SPAG16: variants seen among roughly 807,000 people sequenced by gnomAD.
SPAG16 encodes the protein sperm associated antigen 16, also known as sperm-associated antigen 16 protein.
SPAG16 carries 86 observed loss-of-function variants against 80.4 expected under a neutral mutation model. The ratio of observed to expected loss-of-function variants is 1.07; its 90% CI spans 0.90 to 1.28. The LOEUF (loss-of-function observed/expected upper bound fraction) is 1.28, where lower values mean the gene tolerates loss of function less well. Ranked by LOEUF, SPAG16 falls within the 50% of genes most tolerant of loss-of-function variation. SPAG16 has a pLI of 0.00. For missense variants in SPAG16, 870 were observed against 765.3 expected, an observed-to-expected ratio of 1.14 and a Z score of -1.61; for synonymous variants, 294 against 265.9, an observed-to-expected ratio of 1.11 and a Z score of -1.03.
At chr2:213,848,749 GC>G (rs2074752504) in intron 10 of SPAG16, among the ~76,000 whole-genome samples, 1 of 151,980 alleles carries the variant, frequency 6.6e-6, no homozygotes, top group South Asian at 2.1e-4. Flanking sequence ...GCAAGTTATC[GC>G]CCCTTGCAGC....
chr2:213,347,691 C>T (rs866282317), intron 6 of SPAG16, among the ~76,000 whole-genome samples: 4 of 152,266 alleles, frequency 2.6e-5, no homozygotes, highest in East Asian at 1.9e-4. Context: ...TGTAGTTGAG[C>T]GGTTTTCAGT....
chr2:213,947,570 G>T (rs369861660), intron 12 of SPAG16, among the ~76,000 whole-genome samples: 1 of 152,060 alleles, frequency 6.6e-6, no homozygotes, highest in East Asian at 1.9e-4. Context: ...TGTTGAAAGT[G>T]CCCTGTGTAT....
intron 4 of SPAG16, among the ~76,000 whole-genome samples, chr2:213,315,913 C>G (rs935332987): frequency 2.0e-5 from 3 of 151,970 alleles, no homozygotes; most frequent in African/African-American, 7.2e-5. Context: ...TCCCCTCAAC[C>G]TGGAAGCAGT....
At chr2:214,266,422 T>C (rs906475318) in intron 15 of SPAG16, among the ~76,000 whole-genome samples, 9 of 152,002 alleles carry the variant, frequency 5.9e-5, no homozygotes, top group Non-Finnish European at 1.5e-5. Context: ...TATTTAAACA[T>C]TGTGAACAGT....
intron 10 of SPAG16, among the ~76,000 whole-genome samples, chr2:213,659,681 A>G (rs369963358): frequency 6.6e-5 from 10 of 152,324 alleles, no homozygotes; most frequent in Non-Finnish European, 1.0e-4. Flanking sequence ...ACAGTAAACA[A>G]TGCTATCTCA....
At chr2:214,172,670 C>T (rs1241056143) in intron 15 of SPAG16, among the ~76,000 whole-genome samples, 6 of 152,086 alleles carry the variant, frequency 3.9e-5, no homozygotes, top group East Asian at 1.9e-4. Context: ...CCTGAGGAAT[C>T]GCCACACTGA....
At chr2:214,012,289 T>TAGA (rs71034604) in intron 12 of SPAG16, among the ~76,000 whole-genome samples, 2 of 26,110 alleles carry the variant, frequency 7.7e-5, no homozygotes, top group Admixed American at 1.2e-3. Flanking sequence ...TATATATATA[T>TAGA]TTTTTTTTTT....
At chr2:214,045,120 C>G (rs2049243278) in intron 13 of SPAG16, among the ~76,000 whole-genome samples, 1 of 152,100 alleles carries the variant, frequency 6.6e-6, no homozygotes, top group African/African-American at 2.4e-5. Flanking sequence ...GCTTGTGCCC[C>G]AAAAGAGACC....
chr2:214,086,734 A>G (rs116567817), intron 13 of SPAG16, among the ~76,000 whole-genome samples: 1,710 of 152,250 alleles, frequency 0.011, 18 homozygotes, highest in Non-Finnish European at 0.018. Flanking sequence ...ACAGTTGCCT[A>G]TATTTTCGAT....
intron 12 of SPAG16, among the ~76,000 whole-genome samples, chr2:213,938,809 T>G (rs1264735548): frequency 6.6e-6 from 1 of 152,110 alleles, no homozygotes; most frequent in Non-Finnish European, 1.5e-5. Flanking sequence ...TATTTTCTTA[T>G]TGTTAAACTT....
Position 213,339,006 on chromosome 2 carries a change from C to A in SPAG16, c.537-1157C>A, listed in dbSNP as rs577167416. Among the ~76,000 whole-genome samples the A allele has an allele frequency of 2.8e-5, 4 of 140,534 alleles. No individual in the cohort carries two copies. The Admixed American group carries it at 3.0e-4, about 11-fold the overall frequency. The allele number at this position is 140,534 out of a possible 152,430, so 92.2% of individuals were successfully genotyped here. A position where few individuals can be genotyped will look rare whatever the true frequency, so the allele number is the denominator to read the frequency against. ...CTATGTAACAAACCTTCACAACTTG[C>A]ACCTGTGCCCCAGAACTTAAAAAAA... On this transcript the variant is annotated intron_variant, in intron 5 of 15. Coordinates refer to ENST00000331683, the MANE Select transcript of SPAG16 (RefSeq NM_024532.5).
chr2:213,957,469 T>C (rs2044206949), intron 12 of SPAG16, among the ~76,000 whole-genome samples: 1 of 151,734 alleles, frequency 6.6e-6, no homozygotes, highest in Non-Finnish European at 1.5e-5. Flanking sequence ...TTTTTTCACT[T>C]TCAATCTACT....
rs560155123 is a variant in SPAG16, at chr2:213,452,458, AAT to A, written c.943-37500_943-37499del. Among the ~76,000 whole-genome samples the A allele has an allele frequency of 1.1e-4, 17 of 152,272 alleles. No individual in the cohort carries two copies. In the South Asian group the frequency reaches 1.9e-3, roughly 17 times the overall value. On this transcript the variant is annotated intron_variant, in intron 9 of 15. Transcript: ENST00000331683. ...TTTATTTTTCTTTTCTCAACTCTCT[AAT>A]ATATTATATCCATGCTTTGCCATTT...
chr2:214,058,149 G>T (rs1185252263), intron 13 of SPAG16, among the ~76,000 whole-genome samples: 1 of 152,080 alleles, frequency 6.6e-6, no homozygotes, highest in Non-Finnish European at 1.5e-5. Context: ...TTCATAACTT[G>T]GCTGTTTAGC....
Position 214,407,695 on chromosome 2 carries a change from G to A in SPAG16, c.1721-2445G>A, listed in dbSNP as rs185262910. 3.2e-4 allele frequency among the ~76,000 whole-genome samples: 48 copies of A among 152,152 alleles called. 1 individual carries two copies. The East Asian group carries it at 8.7e-3, about 28-fold the overall frequency. ...AGATGCTACCAGTAATGAGACTATG[G>A]CATTTTTTATTTTCTTTCTGAGAGT... On this transcript the variant is annotated intron_variant, in intron 15 of 15. Transcript: ENST00000331683.
At chr2:213,403,397 A>G (rs1211283615) in intron 9 of SPAG16, among the ~76,000 whole-genome samples, 3 of 152,124 alleles carry the variant, frequency 2.0e-5, no homozygotes, top group African/African-American at 7.2e-5. Context: ...CTCTGATGGT[A>G]GTTTCTTTTG....
intron 15 of SPAG16, among the ~76,000 whole-genome samples, chr2:214,267,107 AC>A (rs1691629337): frequency 6.6e-6 from 1 of 151,950 alleles, no homozygotes; most frequent in East Asian, 1.9e-4. Flanking sequence ...GTATGGAACT[AC>A]AAAAAATCCT....
chr2:214,310,879 C>T (rs1172825704), intron 15 of SPAG16, among the ~76,000 whole-genome samples: 4 of 152,086 alleles, frequency 2.6e-5, no homozygotes, highest in African/African-American at 9.7e-5. Flanking sequence ...AGTTGGTTTA[C>T]ACTGTTTTGC....
chr2:213,314,393 T>TAAAACAAAAC (rs141497604), intron 4 of SPAG16, among the ~76,000 whole-genome samples: 1 of 151,490 alleles, frequency 6.6e-6, no homozygotes, highest in Non-Finnish European at 1.5e-5. Context: ...GGATATTTGT[T>TAAAACAAAAC]AAAACAAAAC....
Sources: allele counts gnomAD v4.1 joint callset (sites outside exome capture counted in the v4.1 genomes callset), GRCh38; gene constraint gnomAD v4.1.1; transcripts MANE v1.5; gene names NCBI Gene and HGNC (gene_info 2026-07-23, HGNC 2026-07-21).